B3GALT1: variants seen among roughly 807,000 people sequenced by gnomAD.
B3GALT1 encodes the protein beta-1,3-galactosyltransferase 1.
In B3GALT1, 10 loss-of-function variants were observed where a neutral mutation model predicts 23.2. That is an observed-to-expected ratio of 0.43 (90% CI 0.27 to 0.73). The LOEUF (loss-of-function observed/expected upper bound fraction) is 0.73. Among genes scored for constraint, B3GALT1 ranks in the 30% least tolerant of loss-of-function variants. The pLI is 0.21. For missense variants in B3GALT1, 299 were observed against 405.4 expected, an observed-to-expected ratio of 0.74 and a Z score of 2.25; for synonymous variants, 156 against 141.5, an observed-to-expected ratio of 1.10 and a Z score of -0.73.
At chr2:167,598,090 A>G (rs1255809466) in intron 2 of B3GALT1, among the ~76,000 whole-genome samples, 1 of 152,212 alleles carries the variant, frequency 6.6e-6, no homozygotes, top group East Asian at 1.9e-4. Context: ...CGGAATTCAC[A>G]TGTGTTTGTT....
intron 2 of B3GALT1, among the ~76,000 whole-genome samples, chr2:167,560,053 G>T (rs1478167786): frequency 1.3e-5 from 2 of 152,150 alleles, no homozygotes; most frequent in African/African-American, 4.8e-5. Context: ...GGCAGCCAGA[G>T]AGAAAGGTCA....
At chr2:167,635,312 C>T (rs1362531566) in intron 2 of B3GALT1, among the ~76,000 whole-genome samples, 3 of 152,124 alleles carry the variant, frequency 2.0e-5, no homozygotes, top group Non-Finnish European at 4.4e-5. Context: ...CCCTCTCTCA[C>T]TACTCCTGTT....
At chr2:167,820,938 T>TTTTGA (rs1403910840) in intron 4 of B3GALT1, among the ~76,000 whole-genome samples, 1 of 152,246 alleles carries the variant, frequency 6.6e-6, no homozygotes, top group Non-Finnish European at 1.5e-5. Flanking sequence ...CTCTAAATGC[T>TTTTGA]TTTGATTTGT....
intron 1 of B3GALT1, among the ~76,000 whole-genome samples, chr2:167,364,010 A>T (rs1697543615): frequency 6.6e-6 from 1 of 151,880 alleles, no homozygotes; most frequent in Non-Finnish European, 1.5e-5. Context: ...AACAGACAAA[A>T]AAAATTAGCC....
At chr2:167,710,515 C>A (rs958425146) in intron 3 of B3GALT1, among the ~76,000 whole-genome samples, 1 of 152,208 alleles carries the variant, frequency 6.6e-6, no homozygotes, top group South Asian at 2.1e-4. Context: ...GCCTGCCTTT[C>A]ATTTAGAATT....
intron 4 of B3GALT1, among the ~76,000 whole-genome samples, chr2:167,849,978 G>C (rs970968620): frequency 6.6e-6 from 1 of 151,344 alleles, no homozygotes; most frequent in Non-Finnish European, 1.5e-5. Context: ...CTAAACATTG[G>C]CTTAGGCAAG....
At chr2:167,354,365 T>A (rs1443825214) in intron 1 of B3GALT1, among the ~76,000 whole-genome samples, 1 of 98,692 alleles carries the variant, frequency 1.0e-5, no homozygotes, top group Non-Finnish European at 2.2e-5. Flanking sequence ...TTTTTTTTTT[T>A]GAGATGGAGT....
chr2:167,557,638 G>A lies in B3GALT1; in HGVS notation c.-410+67361G>A, dbSNP rs145026361. Reference sequence around the variant, plus strand: ...GCCCTGGACTGTCAAAGTGGTCATGGACTGCACCCCATCCCACAATCCTCA... The same window carrying A: ...GCCCTGGACTGTCAAAGTGGTCATGAACTGCACCCCATCCCACAATCCTCA... On this transcript the variant is annotated intron_variant, in intron 2 of 4. Transcript: ENST00000392690. Among the ~76,000 whole-genome samples the A allele has an allele frequency of 2.8e-3, 433 of 152,270 alleles. 5 individuals are homozygous for A. The highest frequency in any genetic ancestry group is 0.018 in the Admixed American group (281 of 15,296).
chr2:167,643,090 G>C (rs1265688837), intron 2 of B3GALT1, among the ~76,000 whole-genome samples: 2 of 152,074 alleles, frequency 1.3e-5, no homozygotes, highest in Non-Finnish European at 2.9e-5. Flanking sequence ...AATGGAGTAG[G>C]TTAACTTTTA....
intron 3 of B3GALT1, among the ~76,000 whole-genome samples, chr2:167,672,243 T>C (rs1686344241): frequency 6.6e-6 from 1 of 152,144 alleles, no homozygotes; most frequent in African/African-American, 2.4e-5. Flanking sequence ...CTTTCAGATA[T>C]TGTCATGTTA....
At chr2:167,316,324 A>G (rs1157608701) in intron 1 of B3GALT1, among the ~76,000 whole-genome samples, 1 of 152,152 alleles carries the variant, frequency 6.6e-6, no homozygotes, top group Admixed American at 6.5e-5. Flanking sequence ...ATTTTTGCAT[A>G]GCACAATGTT....
At chr2:167,848,810 G>A (rs1432912411) in intron 4 of B3GALT1, among the ~76,000 whole-genome samples, 1 of 151,914 alleles carries the variant, frequency 6.6e-6, no homozygotes, top group Non-Finnish European at 1.5e-5. Context: ...AACTGTCATT[G>A]TTTGCTGATG....
chr2:167,589,991 A>G (rs1684646614), intron 2 of B3GALT1, among the ~76,000 whole-genome samples: 1 of 152,092 alleles, frequency 6.6e-6, no homozygotes, highest in African/African-American at 2.4e-5. Flanking sequence ...TAATTTGATT[A>G]TCTTTGAAAA....
intron 2 of B3GALT1, among the ~76,000 whole-genome samples, chr2:167,591,140 A>T (rs1684672160): frequency 6.6e-6 from 1 of 152,210 alleles, no homozygotes; most frequent in African/African-American, 2.4e-5. Context: ...GTTGCTAAGT[A>T]CAGTGGAGAA....
chr2:167,729,330 A>G (rs532978850), intron 3 of B3GALT1, among the ~76,000 whole-genome samples: 91 of 152,324 alleles, frequency 6.0e-4, no homozygotes, highest in African/African-American at 2.2e-3. Flanking sequence ...ATTCACCTGA[A>G]TGGCACACTC....
chr2:167,715,473 G>A lies in B3GALT1; in HGVS notation c.-352+68507G>A, dbSNP rs190632101. Reference sequence around the variant, plus strand: ...ATCGCCCGTCGTTCTTCAGTCATTGGAAGAATCTTGCAGATGATTTTGGCT... The same window carrying A: ...ATCGCCCGTCGTTCTTCAGTCATTGAAAGAATCTTGCAGATGATTTTGGCT... On this transcript the variant is annotated intron_variant, in intron 3 of 4. Transcript: ENST00000392690. The A allele has an allele frequency of 3.2e-5, 52 of 1,607,850 alleles. No individual in the cohort carries two copies. In the African/African-American group the frequency reaches 5.7e-4, roughly 18 times the overall value.
At chr2:167,834,527 T>C (rs1457008864) in intron 4 of B3GALT1, among the ~76,000 whole-genome samples, 2 of 152,232 alleles carry the variant, frequency 1.3e-5, no homozygotes, top group East Asian at 3.8e-4. Context: ...CTGGCTCTTT[T>C]ACTTTGGTTA....
At chr2:167,448,042 G>A (rs1321126579) in intron 1 of B3GALT1, among the ~76,000 whole-genome samples, 3 of 152,146 alleles carry the variant, frequency 2.0e-5, no homozygotes, top group African/African-American at 7.2e-5. Context: ...AATTTGAGCT[G>A]CTTCCATGTT....
At chr2:167,526,481 CTAT>C (rs1179093240) in intron 2 of B3GALT1, among the ~76,000 whole-genome samples, 14 of 152,132 alleles carry the variant, frequency 9.2e-5, no homozygotes, top group African/African-American at 3.1e-4. Context: ...CTGTATGAGG[CTAT>C]TAGACAAACT....
Sources: allele counts gnomAD v4.1 joint callset (sites outside exome capture counted in the v4.1 genomes callset), GRCh38; gene constraint gnomAD v4.1.1; transcripts MANE v1.5; gene names NCBI Gene and HGNC (gene_info 2026-07-23, HGNC 2026-07-21).